Variants in VPS16 observed in about 807,000 individuals in gnomAD.
VPS16 encodes the protein vacuolar protein sorting-associated protein 16 homolog.
Under a neutral mutation model 116.0 loss-of-function variants are expected in VPS16, and 82 were observed. That is an observed-to-expected ratio of 0.71 (90% CI 0.59 to 0.85). The LOEUF (loss-of-function observed/expected upper bound fraction) is 0.85. VPS16 is among the 40% of genes least tolerant of loss of function. VPS16 has a pLI of 0.00. For missense variants in VPS16, 928 were observed against 1,090.6 expected (o/e 0.85, Z 2.10); for synonymous variants, 406 against 420.7 (o/e 0.96, Z 0.43).
Position 2,864,198 on chromosome 20 carries a change from G to A in VPS16, c.1631G>A (p.Arg544His), listed in dbSNP as rs1461192997. 7.4e-6 allele frequency: 12 copies of A among 1,614,180 alleles called. No individual in the cohort carries two copies. The East Asian group carries it at 2.0e-4, about 27-fold the overall frequency. ...TCACAGCTGCTGGAGTATGAGCCAC[G>A]CTCAGGGGAGCAGGTACCCCTTCTC... ...LAIKLLEYEP[R>H]SGEQVPLLLK... The change falls in exon 17 of 24, where the codon CGC becomes CAC. Residue 544 changes from arginine (R) to histidine (H), a missense_variant. By Grantham distance (29) the Arg-to-His change is conservative. Coordinates refer to ENST00000380445, the MANE Select transcript of VPS16 (RefSeq NM_022575.4). The surrounding 1 kb of genome is among the most constrained non-coding windows in gnomAD (Gnocchi z 5.2).
chr20:2,862,756 T>TTGGGGGG, intron 12 of VPS16, 46 bp downstream of exon 12: 2 of 543,008 alleles, frequency 3.7e-6, no homozygotes, highest in Non-Finnish European at 6.5e-6. Context: ...TGGGAGGGGG[T>TTGGGGGG]GGGATGGGCA....
intron 7 of VPS16, 52 bp downstream of exon 7, chr20:2,861,144 T>A (rs754845363): frequency 1.2e-6 from 2 of 1,614,130 alleles, no homozygotes; most frequent in Non-Finnish European, 1.7e-6. Flanking sequence ...GGGTACAAGA[T>A]CTTTTGGTGA....
chr20:2,866,199 C>G lies in VPS16; in HGVS notation c.2272-13C>G. ...CATTACCTTCTCCCTCCACCCGCTT[C>G]CTCTCCTCCAAGCCTTTTGTGGAGA... On this transcript the variant is annotated splice_polypyrimidine_tract_variant and intron_variant, in intron 22 of 23. Transcript: ENST00000380445. 1 of 1,613,662 alleles carries G rather than the reference C, an allele frequency of 6.2e-7. No homozygotes were observed. Among genetic ancestry groups the G allele is most frequent in the Non-Finnish European group, 8.5e-7 (1 of 1,179,670 alleles).
At chr20:2,857,397 T>C (rs2089182492) in intron 1 of VPS16, among the ~76,000 whole-genome samples, 1 of 152,296 alleles carries the variant, frequency 6.6e-6, no homozygotes, top group South Asian at 2.1e-4. Flanking sequence ...CTCCATGTTT[T>C]CTATATCCTT....
chr20:2,840,875 C>T (rs1488145717), intron 1 of VPS16, 48 bp downstream of exon 1: 2 of 1,526,006 alleles, frequency 1.3e-6, no homozygotes, highest in South Asian at 1.2e-5. Flanking sequence ...CCCTGCTCGC[C>T]CGCCGGCTGG....
chr20:2,859,663 A>T (rs2089206081), intron 1 of VPS16, 56 bp from the exon 2 acceptor site: 6 of 1,573,938 alleles, frequency 3.8e-6, no homozygotes, highest in Admixed American at 1.7e-5. Context: ...TCTGGGGTTC[A>T]CTCCATACGG....
chr20:2,851,910 G>A (rs1341510840), intron 1 of VPS16, among the ~76,000 whole-genome samples: 2 of 152,140 alleles, frequency 1.3e-5, no homozygotes, highest in Non-Finnish European at 2.9e-5. Flanking sequence ...GGCGGAGCTT[G>A]CAGGAGCCGA....
Position 2,861,666 on chromosome 20 carries a change from G to A in VPS16, c.861G>A (p.Arg287=), listed in dbSNP as rs755236505. 12 of 1,613,212 alleles carry A rather than the reference G, an allele frequency of 7.4e-6. No individual in the cohort carries two copies. The East Asian group carries it at 2.7e-4, about 36-fold the overall frequency. ...KERAVVVAWE[R]RLMVVGDAPE... is the part of the protein sequence containing the mutation. ...GGGCCGTGGTGGTGGCCTGGGAAAG[G>A]CGGCTGATGGTGGTGGGCGATGCAC... is the stretch of plus-strand genomic sequence containing the variant. Residue 287 remains arginine (R), a synonymous_variant, in exon 9 of 24, where the codon AGG becomes AGA. Transcript: ENST00000380445.
chr20:2,842,661 T>G (rs573599609), intron 1 of VPS16, among the ~76,000 whole-genome samples: 2 of 147,344 alleles, frequency 1.4e-5, no homozygotes, highest in South Asian at 2.1e-4. Flanking sequence ...TAGATAGATA[T>G]ATAGATGTAT....
At chr20:2,842,825 G>GAT (rs1568620912) in intron 1 of VPS16, among the ~76,000 whole-genome samples, 171 of 700 alleles carry the variant, frequency 0.24, 7 homozygotes, top group South Asian at 0.5. Context: ...TCTATAGATA[G>GAT]ACATATAGAT....
rs909110841 is a variant in VPS16, at chr20:2,842,614, ATATATCTATC to A, written c.53+1802_53+1811del. The stretch of plus-strand genomic sequence containing the variant: ...AGAGTGAGACTCCGTCTATATATAG[ATATATCTATC>A]TATATCTATCTATAGATAGATAGAT... On this transcript the variant is annotated intron_variant, in intron 1 of 23. Transcript: ENST00000380445. Among the ~76,000 whole-genome samples, 423 of 149,388 alleles carry A rather than the reference ATATATCTATC, an allele frequency of 2.8e-3. 2 individuals carry two copies. Among genetic ancestry groups the A allele is most frequent in the African/African-American group, 9.9e-3 (401 of 40,484 alleles).
chr20:2,859,354 T>C (rs1001577339), intron 1 of VPS16, among the ~76,000 whole-genome samples: 1 of 152,204 alleles, frequency 6.6e-6, no homozygotes, highest in African/African-American at 2.4e-5. Flanking sequence ...GAGAGTCTCA[T>C]TTCCTGCTAA....
intron 1 of VPS16, among the ~76,000 whole-genome samples, chr20:2,857,372 T>A (rs2089182109): frequency 6.6e-6 from 1 of 152,262 alleles, no homozygotes; most frequent in Non-Finnish European, 1.5e-5. Flanking sequence ...CATTTATAGA[T>A]CATTTTGGAT....
intron 11 of VPS16, chr20:2,862,339 C>G: frequency 1.0e-6 from 1 of 987,694 alleles, no homozygotes; most frequent in African/African-American, 1.6e-5. Flanking sequence ...CCACTATCCC[C>G]ACCCAGTCTG....
chr20:2,848,857 A>T (rs1260461882), intron 1 of VPS16, among the ~76,000 whole-genome samples: 2 of 152,176 alleles, frequency 1.3e-5, no homozygotes, highest in Admixed American at 6.5e-5. Flanking sequence ...TCCAGTGGGG[A>T]TAAGTCATTG....
chr20:2,849,525 CT>C (rs1193995023), intron 1 of VPS16, among the ~76,000 whole-genome samples: 5 of 151,810 alleles, frequency 3.3e-5, no homozygotes, highest in African/African-American at 1.2e-4. Flanking sequence ...TCTTGAACTC[CT>C]GACCTCAGGT....
At position 2,861,914 on chromosome 20, in the gene VPS16, A is replaced by G; in HGVS notation, c.994+15A>G. The G allele has an allele frequency of 1.2e-6, 2 of 1,612,426 alleles. No homozygotes were observed. The highest frequency in any genetic ancestry group is 1.7e-6 in the Non-Finnish European group (2 of 1,179,352). On this transcript the variant is annotated intron_variant, in intron 10 of 23. Coordinates refer to ENST00000380445, the MANE Select transcript of VPS16 (RefSeq NM_022575.4). The stretch of plus-strand genomic sequence containing the variant: ...TGAGGTTCCAGGTGAGGCCTTCACA[A>G]GGGCACCACATAACCCAAGGTGGGG...
At chr20:2,859,930 T>A in intron 2 of VPS16, 123 bp downstream of exon 2, 1 of 1,491,642 alleles carries the variant, frequency 6.7e-7, no homozygotes, top group Non-Finnish European at 9.3e-7. Flanking sequence ...GCTGAGATGC[T>A]TTTACTTCTG....
In VPS16 at chr20:2,865,892, G is replaced by A. The variant is rs995822419; in HGVS notation, c.2272-320G>A. 4 of 473,806 alleles carry A rather than the reference G, an allele frequency of 8.4e-6. No individual in the cohort carries two copies. Among genetic ancestry groups the A allele is most frequent in the African/African-American group, 2.0e-5 (1 of 51,180 alleles). The allele number at this position is 473,806 out of a possible 1,614,324, so 29.4% of individuals were successfully genotyped here. On this transcript the variant is annotated intron_variant, in intron 22 of 23. Transcript: ENST00000380445. The surrounding 1 kb of genome is among the most constrained non-coding windows in gnomAD (Gnocchi z 5.2). ...AGGTGTATAGGGCAGGTTTGAGAAT[G>A]TCAATCACAAGAGAACACAGGAAAT...
Sources: allele counts gnomAD v4.1 joint callset (sites outside exome capture counted in the v4.1 genomes callset), GRCh38; gene constraint gnomAD v4.1.1; non-coding constraint Gnocchi (gnomAD v3.1); transcripts MANE v1.5; gene names NCBI Gene and HGNC (gene_info 2026-07-23, HGNC 2026-07-21).